Variants in KPNA4 observed in about 807,000 individuals in gnomAD.
KPNA4 encodes importin subunit alpha-3.
In KPNA4, 13 loss-of-function variants were observed where a neutral mutation model predicts 71.3. The observed-to-expected ratio is 0.18, with a 90% CI of 0.12 to 0.29. The LOEUF (loss-of-function observed/expected upper bound fraction) is 0.29. KPNA4 is among the 10% of genes least tolerant of loss of function. KPNA4 has a pLI of 1.00. For synonymous variants in KPNA4, 189 were observed against 195.2 expected (o/e 0.97, Z 0.26); for missense variants, 334 against 603.2 (o/e 0.55, Z 4.67).
In KPNA4 at chr3:160,541,657, A is replaced by ACG. The variant is rs1553787461; in HGVS notation, c.70-4818_70-4817insCG. Among the ~76,000 whole-genome samples, 146 of 151,314 alleles carry ACG rather than the reference A, an allele frequency of 9.6e-4. 1 individual carries two copies. Among genetic ancestry groups the ACG allele is most frequent in the Middle Eastern group, 3.4e-3 (1 of 292 alleles). The stretch of plus-strand genomic sequence containing the variant: ...TTAAAAGTTATATACGCGCACACAC[A>ACG]CACACACACACACACACACACACAC... On this transcript the variant is annotated intron_variant, in intron 1 of 16. Coordinates refer to ENST00000334256, the MANE Select transcript of KPNA4 (RefSeq NM_002268.5).
intron 16 of KPNA4, among the ~76,000 whole-genome samples, chr3:160,503,928 T>C (rs983181014): frequency 6.6e-6 from 1 of 152,028 alleles, no homozygotes; most frequent in Admixed American, 6.6e-5. Context: ...ACAAAAGACT[T>C]AAAAAGTTAT....
chr3:160,534,913 G>A (rs1012896645), intron 5 of KPNA4, among the ~76,000 whole-genome samples: 2 of 151,388 alleles, frequency 1.3e-5, no homozygotes, highest in Non-Finnish European at 2.9e-5. Flanking sequence ...TAGTAGAGAC[G>A]GGGTTTCAGT....
At chr3:160,506,179 T>A (rs1053421077) in intron 15 of KPNA4, among the ~76,000 whole-genome samples, 1 of 150,082 alleles carries the variant, frequency 6.7e-6, no homozygotes, top group Admixed American at 6.6e-5. Context: ...TTTTATTTTA[T>A]TTTTTTTGAG....
At chr3:160,544,436 C>T (rs1180510695) in intron 1 of KPNA4, among the ~76,000 whole-genome samples, 1 of 152,128 alleles carries the variant, frequency 6.6e-6, no homozygotes, top group Non-Finnish European at 1.5e-5. Flanking sequence ...TATATGAGCA[C>T]AAAGGAAGGT....
At chr3:160,563,446 T>G (rs146221618) in intron 1 of KPNA4, among the ~76,000 whole-genome samples, 1 of 152,140 alleles carries the variant, frequency 6.6e-6, no homozygotes, top group Non-Finnish European at 1.5e-5. Flanking sequence ...TGTTCTAAGA[T>G]GGACTGTGGT....
At chr3:160,553,234 G>A (rs1050746182) in intron 1 of KPNA4, among the ~76,000 whole-genome samples, 1 of 152,100 alleles carries the variant, frequency 6.6e-6, no homozygotes, top group Non-Finnish European at 1.5e-5. Flanking sequence ...GTCAAATGAT[G>A]TTACACTTCT....
At chr3:160,511,231 G>A (rs554180702) in intron 13 of KPNA4, among the ~76,000 whole-genome samples, 13 of 151,986 alleles carry the variant, frequency 8.6e-5, no homozygotes, top group African/African-American at 2.7e-4. Flanking sequence ...TCAGCCTCTC[G>A]AGTAGCTGGG....
At chr3:160,556,142 T>A (rs1206392641) in intron 1 of KPNA4, among the ~76,000 whole-genome samples, 1 of 152,232 alleles carries the variant, frequency 6.6e-6, no homozygotes, top group East Asian at 1.9e-4. Flanking sequence ...CCAAGTTGTT[T>A]CCCTCTTTTG....
intron 13 of KPNA4, among the ~76,000 whole-genome samples, chr3:160,510,702 C>A (rs80346871): frequency 0.017 from 2,541 of 151,964 alleles, 57 homozygotes; most frequent in African/African-American, 0.046. Flanking sequence ...GGGGAATTAG[C>A]CCTATAATAG....
At chr3:160,504,058 T>C (rs967845779) in intron 16 of KPNA4, among the ~76,000 whole-genome samples, 6 of 152,142 alleles carry the variant, frequency 3.9e-5, no homozygotes, top group African/African-American at 1.4e-4. Context: ...CACTCCAGCC[T>C]GGGCCCCGTC....
At chr3:160,506,230 G>A (rs1444129910) in intron 15 of KPNA4, among the ~76,000 whole-genome samples, 2 of 151,514 alleles carry the variant, frequency 1.3e-5, no homozygotes, top group South Asian at 2.1e-4. Flanking sequence ...GTGCAGTGGC[G>A]TGATCTTGGC....
At chr3:160,551,476 C>T (rs559017203) in intron 1 of KPNA4, among the ~76,000 whole-genome samples, 15 of 152,094 alleles carry the variant, frequency 9.9e-5, no homozygotes, top group African/African-American at 3.1e-4. Context: ...AAATAAGAAA[C>T]GGCAAGGTAA....
In KPNA4 at chr3:160,506,309, C is replaced by T. The variant is rs146130005; in HGVS notation, c.1373-1257G>A. Reference sequence around the variant, plus strand: ...TCAGCCTCCCAAGCAGCTAGGATTACAGGTGTGCGCTACCACACCCAGCTA... The same window carrying T: ...TCAGCCTCCCAAGCAGCTAGGATTATAGGTGTGCGCTACCACACCCAGCTA... On this transcript the variant is annotated intron_variant, in intron 15 of 16. Coordinates refer to ENST00000334256, the MANE Select transcript of KPNA4 (RefSeq NM_002268.5). Among the ~76,000 whole-genome samples the T allele has an allele frequency of 7.0e-4, 107 of 152,190 alleles. 2 individuals carry two copies. The East Asian group carries it at 0.02, about 28-fold the overall frequency.
Position 160,500,236 on chromosome 3 carries a change from T to C in KPNA4, c.*1868A>G, listed in dbSNP as rs1245556955. ...CTAGCCTGCACTCTACTTGGATAAA[T>C]TTTACAAGCTAGTTTTCTGCTGCTT... On this transcript the variant is annotated 3_prime_UTR_variant, in exon 17 of 17. Transcript: ENST00000334256. 2.6e-5 allele frequency: 4 copies of C among 152,588 alleles called. No individual in the cohort carries two copies. Among genetic ancestry groups the C allele is most frequent in the Admixed American group, 2.6e-4 (4 of 15,282 alleles). The allele number at this position is 152,588 out of a possible 1,614,324, so 9.5% of individuals were successfully genotyped here.
chr3:160,543,929 C>T (rs1721855603), intron 1 of KPNA4, among the ~76,000 whole-genome samples: 1 of 152,108 alleles, frequency 6.6e-6, no homozygotes, highest in South Asian at 2.1e-4. Context: ...GCGATCTCAG[C>T]TCACTGCAAC....
rs903005231 is a variant in KPNA4 at position 160,501,300 on chromosome 3, C to T, written c.*804G>A. The stretch of plus-strand genomic sequence containing the variant: ...AAACTAAAAAAAAAGAAAAGAAAAG[C>T]AAAAAAGAAAAAAAAAAGGATTGGG... On this transcript the variant is annotated 3_prime_UTR_variant, in exon 17 of 17. Coordinates refer to ENST00000334256, the MANE Select transcript of KPNA4 (RefSeq NM_002268.5). 1.2e-5 allele frequency: 1 copy of T among 82,526 alleles called. No homozygotes were observed. Among genetic ancestry groups the T allele is most frequent in the Non-Finnish European group, 2.6e-5 (1 of 39,140 alleles). The allele number at this position is 82,526 out of a possible 1,614,324, so 5.1% of individuals were successfully genotyped here.
At chr3:160,516,290 C>CCGCCAATACATAATT (rs1560046290) in intron 11 of KPNA4, among the ~76,000 whole-genome samples, 2 of 152,070 alleles carry the variant, frequency 1.3e-5, no homozygotes, top group African/African-American at 4.8e-5. Flanking sequence ...CTGCACCCTG[C>CCGCCAATACATAATT]TCCAAGAAAC....
At chr3:160,562,181 C>T (rs563373996) in intron 1 of KPNA4, among the ~76,000 whole-genome samples, 1 of 152,250 alleles carries the variant, frequency 6.6e-6, no homozygotes, top group Admixed American at 6.5e-5. Context: ...GGCTATTAAG[C>T]ACTTGAAATG....
At chr3:160,512,765 G>T (rs890741518) in intron 13 of KPNA4, among the ~76,000 whole-genome samples, 5 of 152,128 alleles carry the variant, frequency 3.3e-5, no homozygotes, top group Non-Finnish European at 4.4e-5. Flanking sequence ...CCGGGAGGTA[G>T]AGATTGCAGT....
Sources: allele counts gnomAD v4.1 joint callset (sites outside exome capture counted in the v4.1 genomes callset), GRCh38; gene constraint gnomAD v4.1.1; transcripts MANE v1.5; gene names NCBI Gene and HGNC (gene_info 2026-07-23, HGNC 2026-07-21).